Variants in HMGN5 observed in about 807,000 individuals in gnomAD.
HMGN5 encodes high mobility group nucleosome binding domain 5.
HMGN5 carries 4 observed loss-of-function variants against 9.5 expected under a neutral mutation model. The observed-to-expected ratio is 0.42, with a 90% CI of 0.21 to 0.96. The LOEUF (loss-of-function observed/expected upper bound fraction) is 0.96, where lower values mean the gene tolerates loss of function less well. Among genes scored for constraint, HMGN5 ranks in the 40% least tolerant of loss-of-function variants. HMGN5 has a pLI of 0.30. For synonymous variants in HMGN5, 55 were observed against 57.1 expected (o/e 0.96, Z 0.16); for missense variants, 192 against 187.5 (o/e 1.02, Z -0.14).
At chrX:81,144,451 C>A (rs915883500) in intron 1 of HMGN5, among the ~76,000 whole-genome samples, 3 of 95,370 alleles carry the variant, frequency 3.1e-5, no homozygotes, top group Non-Finnish European at 6.5e-5. Context: ...GGAATAGCAT[C>A]AACATCAACA....
intron 1 of HMGN5, among the ~76,000 whole-genome samples, chrX:81,156,522 T>C (rs767538797): frequency 3.3e-4 from 37 of 112,241 alleles, no homozygotes; most frequent in African/African-American, 1.2e-3. Flanking sequence ...GTGAGACCTT[T>C]CCTGATGACT....
At chrX:81,173,768 T>A (rs1184953917) in intron 1 of HMGN5, among the ~76,000 whole-genome samples, 1 of 112,035 alleles carries the variant, frequency 8.9e-6, no homozygotes, top group African/African-American at 3.2e-5. Flanking sequence ...GCTGTCTCTC[T>A]CATAATGAGC....
chrX:81,175,992 G>A (rs2075440605), intron 1 of HMGN5, among the ~76,000 whole-genome samples: 1 of 111,961 alleles, frequency 8.9e-6, no homozygotes, highest in African/African-American at 3.2e-5. Context: ...CCTGACCCCT[G>A]TGTAGCCTAA....
chrX:81,167,822 G>T (rs1306968587), intron 1 of HMGN5, among the ~76,000 whole-genome samples: 3 of 111,901 alleles, frequency 2.7e-5, no homozygotes, highest in African/African-American at 9.7e-5. Flanking sequence ...AGAGCATTAA[G>T]CAATGGCTGT....
intron 1 of HMGN5, among the ~76,000 whole-genome samples, chrX:81,176,773 G>C (rs1208852064): frequency 1.8e-5 from 2 of 111,535 alleles, no homozygotes; most frequent in East Asian, 2.8e-4. Context: ...CAAGAAATAT[G>C]GGACTATGTG....
chrX:81,176,803 T>G (rs1414327374), intron 1 of HMGN5, among the ~76,000 whole-genome samples: 1 of 111,582 alleles, frequency 9.0e-6, no homozygotes, highest in Non-Finnish European at 1.9e-5. Flanking sequence ...AATCTACATT[T>G]GATTGGTGTA....
intron 1 of HMGN5, among the ~76,000 whole-genome samples, chrX:81,140,987 C>T (rs1385444295): frequency 9.0e-6 from 1 of 111,084 alleles, no homozygotes; most frequent in Non-Finnish European, 1.9e-5. Context: ...GACTGAAGAG[C>T]CCGTGGGCCT....
At chrX:81,168,449 G>A (rs774552187) in intron 1 of HMGN5, among the ~76,000 whole-genome samples, 2 of 111,554 alleles carry the variant, frequency 1.8e-5, no homozygotes, top group East Asian at 5.7e-4. Flanking sequence ...ACTGTCCACA[G>A]ACCCCTAATT....
At chrX:81,160,659 A>T (rs1569347543) in intron 1 of HMGN5, among the ~76,000 whole-genome samples, 1 of 111,550 alleles carries the variant, frequency 9.0e-6, no homozygotes, top group Non-Finnish European at 1.9e-5. Flanking sequence ...GCTGAAGATG[A>T]TGGCTTCCAG....
At chrX:81,131,908 G>T (rs1378438341) in intron 1 of HMGN5, among the ~76,000 whole-genome samples, 2 of 111,237 alleles carry the variant, frequency 1.8e-5, no homozygotes, top group Non-Finnish European at 3.8e-5. Context: ...CAAATAGGAA[G>T]AGAGGAAGTC....
intron 1 of HMGN5, among the ~76,000 whole-genome samples, chrX:81,185,010 G>T (rs2075473276): frequency 8.9e-6 from 1 of 111,746 alleles, no homozygotes; most frequent in African/African-American, 3.2e-5. Context: ...GTGTTACCAT[G>T]CTGTTTTAGT....
intron 1 of HMGN5, among the ~76,000 whole-genome samples, chrX:81,186,708 A>C (rs908289842): frequency 9.0e-6 from 1 of 110,907 alleles, no homozygotes; most frequent in Non-Finnish European, 1.9e-5. Flanking sequence ...TTTTGGGTAC[A>C]TAGTAGGTGT....
chrX:81,147,712 A>C (rs1022980022), intron 1 of HMGN5, among the ~76,000 whole-genome samples: 1 of 111,805 alleles, frequency 8.9e-6, no homozygotes, highest in South Asian at 3.7e-4. Context: ...GCAGATGACA[A>C]GATTGTATAT....
intron 1 of HMGN5, among the ~76,000 whole-genome samples, chrX:81,149,974 C>T (rs2075356234): frequency 9.0e-6 from 1 of 111,460 alleles, no homozygotes; most frequent in Admixed American, 9.5e-5. Context: ...ACCTCAACAC[C>T]CCACTCTCAG....
chrX:81,118,773 AC>A lies in HMGN5; in HGVS notation c.46-15del. On this transcript the variant is annotated splice_polypyrimidine_tract_variant and intron_variant, in intron 3 of 6. Transcript: ENST00000358130. ...TCTTCTCTTTGGCTATAAGTTAAAAACAAAAATCTGTTAAGAGAATTATGGA... is the reference window on the plus strand; with the variant it reads ...TCTTCTCTTTGGCTATAAGTTAAAAAAAAAATCTGTTAAGAGAATTATGGA... 8.7e-7 allele frequency: 1 copy of A among 1,149,208 alleles called. No homozygotes were observed. Among genetic ancestry groups the A allele is most frequent in the Non-Finnish European group, 1.2e-6 (1 of 846,111 alleles). 94.7% of individuals were successfully genotyped at this position (1,149,208 alleles called of 1,213,427 possible).
At chrX:81,165,165 C>T (rs752874793) in intron 1 of HMGN5, among the ~76,000 whole-genome samples, 1 of 110,740 alleles carries the variant, frequency 9.0e-6, no homozygotes, top group South Asian at 3.8e-4. Flanking sequence ...GTATTTTTTC[C>T]TTAGTTGGTC....
chrX:81,141,587 G>C (rs2147554418), intron 1 of HMGN5, among the ~76,000 whole-genome samples: 1 of 111,567 alleles, frequency 9.0e-6, no homozygotes, highest in South Asian at 3.8e-4. Context: ...CCCAGTTCTT[G>C]CCCAAGGTCA....
chrX:81,119,713 A>G (rs1192370980), intron 3 of HMGN5, 75 bp downstream of exon 3: 3 of 887,908 alleles, frequency 3.4e-6, no homozygotes, highest in African/African-American at 4.0e-5. Flanking sequence ...ACCAGCATCT[A>G]TTTTTTAGCT....
rs1244380255 is a variant in HMGN5 at position 81,134,428 on chromosome X, A to G, written c.-123-12756T>C. Among the ~76,000 whole-genome samples the G allele has an allele frequency of 1.3e-4, 15 of 111,505 alleles. No individual in the cohort carries two copies. The Admixed American group carries it at 1.4e-3, about 11-fold the overall frequency. ...CATTAATAAGCTTTATTGAGATATA[A>G]TTTACATGCCATACACTGAACTCAT... On this transcript the variant is annotated intron_variant, in intron 1 of 6. Coordinates refer to ENST00000358130, the MANE Select transcript of HMGN5 (RefSeq NM_030763.3).
Sources: allele counts gnomAD v4.1 joint callset (sites outside exome capture counted in the v4.1 genomes callset), GRCh38; gene constraint gnomAD v4.1.1; transcripts MANE v1.5; gene names NCBI Gene and HGNC (gene_info 2026-07-23, HGNC 2026-07-21).